The following ABHD3 variants were observed in gnomAD, a reference collection of about 807,000 sequenced individuals.
ABHD3 encodes phospholipase ABHD3.
Under a neutral mutation model 48.8 loss-of-function variants are expected in ABHD3, and 46 were observed. The ratio of observed to expected loss-of-function variants is 0.94; its 90% CI spans 0.74 to 1.20. The LOEUF (loss-of-function observed/expected upper bound fraction) is 1.20. Ranked by LOEUF, ABHD3 falls within the 50% of genes most tolerant of loss-of-function variation. The probability of loss-of-function intolerance (pLI) is 0.00; values close to 1 mark genes in which losing one functional copy is unlikely to be tolerated. For missense variants in ABHD3, 490 were observed against 497.8 expected, an observed-to-expected ratio of 0.98 and a Z score of 0.15; for synonymous variants, 192 against 183.7, an observed-to-expected ratio of 1.04 and a Z score of -0.36.
intron 3 of ABHD3, among the ~76,000 whole-genome samples, chr18:21,691,571 TA>T (rs1442019654): frequency 1.3e-5 from 2 of 152,198 alleles, no homozygotes; most frequent in Non-Finnish European, 2.9e-5. Context: ...TTAATGTGAG[TA>T]TATTATTCAC....
chr18:21,687,578 G>A (rs548164321), intron 3 of ABHD3, among the ~76,000 whole-genome samples: 137 of 152,248 alleles, frequency 9.0e-4, no homozygotes, highest in Admixed American at 2.1e-3. Context: ...CAATTCTAAA[G>A]GGCGTGTATA....
In ABHD3 at chr18:21,657,310, A is replaced by T. The variant is rs2039379951; in HGVS notation, c.843-158T>A. Among the ~76,000 whole-genome samples, 3 of 152,070 alleles carry T rather than the reference A, an allele frequency of 2.0e-5. No homozygotes were observed. The South Asian group carries it at 6.2e-4, about 32-fold the overall frequency. On this transcript the variant is annotated intron_variant, in intron 6 of 8. Coordinates refer to ENST00000289119, the MANE Select transcript of ABHD3 (RefSeq NM_138340.5). ...CAGGTACGGCAGGATTAGAATAATA[A>T]TGTTTGTGCTGAAGATATTTTCTTC...
intron 4 of ABHD3, among the ~76,000 whole-genome samples, chr18:21,682,746 G>C (rs2040033804): frequency 6.6e-6 from 1 of 152,074 alleles, no homozygotes; most frequent in South Asian, 2.1e-4. Flanking sequence ...TTCCCCCCCG[G>C]CTTTGTGTCC....
At chr18:21,684,782 G>A (rs1209962450) in intron 3 of ABHD3, among the ~76,000 whole-genome samples, 1 of 152,172 alleles carries the variant, frequency 6.6e-6, no homozygotes, top group Non-Finnish European at 1.5e-5. Context: ...CATCACAGGT[G>A]AGCCACAAAG....
chr18:21,657,341 CTTT>C (rs1162753284), intron 6 of ABHD3, among the ~76,000 whole-genome samples, 189 bp from the exon 7 acceptor site: 2 of 140,308 alleles, frequency 1.4e-5, no homozygotes, highest in African/African-American at 2.6e-5. Flanking sequence ...TCTTCAAGTA[CTTT>C]TTTTTTTTTT....
chr18:21,658,080 C>T (rs2039399192), intron 6 of ABHD3, among the ~76,000 whole-genome samples: 2 of 151,558 alleles, frequency 1.3e-5, no homozygotes, highest in Non-Finnish European at 2.9e-5. Flanking sequence ...GCCTGTAGTC[C>T]CAGCTACTTG....
At chr18:21,695,369 G>A (rs1195615373) in intron 3 of ABHD3, among the ~76,000 whole-genome samples, 1 of 152,140 alleles carries the variant, frequency 6.6e-6, no homozygotes, top group Admixed American at 6.6e-5. Flanking sequence ...CCAAGAGCGG[G>A]CCAATGTGAT....
At chr18:21,681,003 C>A (rs1472700447) in intron 4 of ABHD3, among the ~76,000 whole-genome samples, 2 of 151,992 alleles carry the variant, frequency 1.3e-5, no homozygotes, top group African/African-American at 4.8e-5. Context: ...GTTGGGATTG[C>A]AGGTGTGAAC....
intron 3 of ABHD3, among the ~76,000 whole-genome samples, chr18:21,687,219 T>C (rs1296996873): frequency 6.6e-6 from 1 of 151,642 alleles, no homozygotes; most frequent in Non-Finnish European, 1.5e-5. Context: ...CTGTTTTTAT[T>C]TTTTTTTGAG....
chr18:21,678,184 G>T (rs2039930020), intron 4 of ABHD3, among the ~76,000 whole-genome samples: 1 of 148,506 alleles, frequency 6.7e-6, no homozygotes, highest in African/African-American at 2.5e-5. Context: ...TGAACTCCTG[G>T]ACTCAAGTGA....
Position 21,703,691 on chromosome 18 carries a change from A to ACAGT in ABHD3, c.215_218dup (p.Cys73Ter). On this transcript the variant is annotated stop_gained and frameshift_variant, in exon 2 of 9. Transcript: ENST00000289119. LOFTEE classifies it high-confidence loss of function. ...GGTAGTACGTTTCTGTAACCACGGG[A>ACAGT]CAGTGGTCTTGAAGGAAGCGGCTGA... The ACAGT allele has an allele frequency of 6.2e-7, 1 of 1,614,060 alleles. No individual in the cohort carries two copies. Among genetic ancestry groups the ACAGT allele is most frequent in the Non-Finnish European group, 8.5e-7 (1 of 1,180,014 alleles).
chr18:21,702,326 A>G lies in ABHD3; in HGVS notation c.499T>C (p.Leu167=). The change falls in exon 3 of 9, where the codon TTA becomes CTA. Residue 167 remains leucine (L), a synonymous_variant. Coordinates refer to ENST00000289119, the MANE Select transcript of ABHD3 (RefSeq NM_138340.5). The part of the protein sequence containing the change: ...ILHMIHLSEE[L]GYRCVVFNNR... Reference sequence around the variant, plus strand: ...ATCTTTTACTGGTACCTGTATCCTAATTCTTCACTAAGATGGATCATATGA... The same window carrying G: ...ATCTTTTACTGGTACCTGTATCCTAGTTCTTCACTAAGATGGATCATATGA... The G allele has an allele frequency of 6.3e-7, 1 of 1,587,808 alleles. No individual in the cohort carries two copies. The highest frequency in any genetic ancestry group is 8.6e-7 in the Non-Finnish European group (1 of 1,164,682).
intron 5 of ABHD3, among the ~76,000 whole-genome samples, chr18:21,661,099 A>G (rs1167888926): frequency 7.7e-6 from 1 of 130,492 alleles, no homozygotes; most frequent in Admixed American, 8.0e-5. Flanking sequence ...AAAAACTACA[A>G]GCTAAAAAAA....
chr18:21,654,861 T>A (rs2039307826), intron 8 of ABHD3: 1 of 152,142 alleles, frequency 6.6e-6, no homozygotes, highest in African/African-American at 2.4e-5. Flanking sequence ...GAATAGGAAA[T>A]AATGAGTTCA....
Position 21,664,166 on chromosome 18 carries a change from C to T in ABHD3, c.620G>A (p.Ser207Asn), listed in dbSNP as rs774539067. 1 of 1,614,090 alleles carries T rather than the reference C, an allele frequency of 6.2e-7. No homozygotes were observed. The highest frequency in any genetic ancestry group is 8.5e-7 in the Non-Finnish European group (1 of 1,180,010). Residue 207 changes from serine (S) to asparagine (N), a missense_variant, in exon 5 of 9, where the codon AGC becomes AAC. Physicochemically the swap from Ser to Asn is conservative, Grantham distance 46. Coordinates refer to ENST00000289119, the MANE Select transcript of ABHD3 (RefSeq NM_138340.5). ...CAGGAAAGGAGCAGAAGGGTACAGG[C>T]TGTGTACATGGTGAATAACTGTCTC... ...DLETVIHHVH[S>N]LYPSAPFLAA...
At chr18:21,655,202 TTA>T (rs1381913286) in intron 8 of ABHD3, 1 of 152,098 alleles carries the variant, frequency 6.6e-6, no homozygotes, top group Non-Finnish European at 1.5e-5. Context: ...AACATATGTG[TTA>T]TGTTTATAGT....
chr18:21,660,492 G>C (rs1407933568), intron 5 of ABHD3, among the ~76,000 whole-genome samples: 1 of 151,864 alleles, frequency 6.6e-6, no homozygotes, highest in Non-Finnish European at 1.5e-5. Flanking sequence ...ATTCTATTTT[G>C]GTAAGAGAGA....
intron 1 of ABHD3, 48 bp downstream of exon 1, chr18:21,704,456 C>G (rs753328196): frequency 1.8e-5 from 23 of 1,307,572 alleles, no homozygotes; most frequent in Admixed American, 3.8e-5. Flanking sequence ...GCCTGCTACC[C>G]TAGCTCCTGG....
chr18:21,703,680 G>A lies in ABHD3; in HGVS notation c.230C>T (p.Thr77Ile), dbSNP rs1267337793. ...RFLQDHCPVVTETYYPTVWCW... is the reference protein window; with the variant it reads ...RFLQDHCPVVIETYYPTVWCW... ...CCAGACCGTCGGGTAGTACGTTTCT[G>A]TAACCACGGGACAGTGGTCTTGAAG... Residue 77 changes from threonine to isoleucine, a missense_variant, in exon 2 of 9, where the codon ACA (threonine) becomes ATA (isoleucine). By Grantham distance (89) the Thr-to-Ile change is moderately conservative. Coordinates refer to ENST00000289119, the MANE Select transcript of ABHD3 (RefSeq NM_138340.5). 1.9e-6 allele frequency: 3 copies of A among 1,614,118 alleles called. No individual in the cohort carries two copies. Among genetic ancestry groups the A allele is most frequent in the Non-Finnish European group, 2.5e-6 (3 of 1,180,030 alleles).
Sources: allele counts gnomAD v4.1 joint callset (sites outside exome capture counted in the v4.1 genomes callset), GRCh38; gene constraint gnomAD v4.1.1; transcripts MANE v1.5; gene names NCBI Gene and HGNC (gene_info 2026-07-23, HGNC 2026-07-21).